The following ANO3 variants were observed in gnomAD, a reference collection of about 807,000 sequenced individuals.
ANO3 encodes the protein anoctamin-3.
Under a neutral mutation model 144.8 loss-of-function variants are expected in ANO3, and 99 were observed. The observed-to-expected ratio is 0.68, with a 90% CI of 0.58 to 0.81. The LOEUF (loss-of-function observed/expected upper bound fraction) is 0.81. Ranked by LOEUF, ANO3 falls within the 30% of genes least tolerant of loss-of-function variation. The pLI is 0.00. For missense variants in ANO3, 905 were observed against 1,202.2 expected (o/e 0.75, Z 3.66); for synonymous variants, 414 against 392.6 (o/e 1.05, Z -0.64).
intron 1 of ANO3, among the ~76,000 whole-genome samples, chr11:26,223,235 C>T (rs67321699): frequency 0.3 from 45,926 of 151,860 alleles, 7,665 homozygotes; most frequent in Non-Finnish European, 0.37. Context: ...TACCCTGAGT[C>T]GTCATTATTA....
At chr11:26,280,785 A>T (rs1286532773) in intron 1 of ANO3, among the ~76,000 whole-genome samples, 1 of 152,210 alleles carries the variant, frequency 6.6e-6, no homozygotes, top group Non-Finnish European at 1.5e-5. Flanking sequence ...CACCTGTTAA[A>T]GAGTTCCCTG....
chr11:26,356,607 T>C (rs1855792366), intron 1 of ANO3, among the ~76,000 whole-genome samples: 1 of 152,238 alleles, frequency 6.6e-6, no homozygotes, highest in Non-Finnish European at 1.5e-5. Flanking sequence ...TTCTATTATA[T>C]TGTGTATTCA....
intron 25 of ANO3, 23 bp from the exon 26 acceptor site, chr11:26,656,353 C>T (rs756249200): frequency 3.9e-6 from 6 of 1,539,918 alleles, no homozygotes; most frequent in African/African-American, 1.4e-5. Context: ...ATTTGTCATT[C>T]TCTTTGTTTT....
intron 1 of ANO3, among the ~76,000 whole-genome samples, chr11:26,272,803 A>C (rs1853471287): frequency 6.6e-6 from 1 of 152,176 alleles, no homozygotes; most frequent in Admixed American, 6.5e-5. Flanking sequence ...TTAATAAGGA[A>C]GATAAACAAA....
chr11:26,573,178 A>C (rs1023414814), intron 14 of ANO3, among the ~76,000 whole-genome samples: 3 of 152,166 alleles, frequency 2.0e-5, no homozygotes, highest in Non-Finnish European at 4.4e-5. Flanking sequence ...TTTAGCTAAA[A>C]TGCAGGAGCT....
chr11:26,236,686 C>T (rs1003346801), intron 1 of ANO3, among the ~76,000 whole-genome samples: 9 of 151,712 alleles, frequency 5.9e-5, no homozygotes, highest in Non-Finnish European at 1.2e-4. Flanking sequence ...GGCATGGTGG[C>T]GGGCGCCTGT....
rs1224231567 is a variant in ANO3, at chr11:26,656,147, A to C, written c.2599A>C (p.Asn867His). The C allele has an allele frequency of 6.2e-7, 1 of 1,613,610 alleles. No homozygotes were observed. Among genetic ancestry groups the C allele is most frequent in the Admixed American group, 1.7e-5 (1 of 60,000 alleles). Residue 867 changes from asparagine to histidine, a missense_variant, in exon 25 of 27, where the codon AAT becomes CAT. Transcript: ENST00000256737. ...SENCLKGYVN[N>H]SLSFFDLSEL... Reference sequence around the variant, plus strand: ...CAGTTGCTTGAAGGGATATGTCAACAATAGCCTATCCTTCTTTGACCTGAG... The same window carrying C: ...CAGTTGCTTGAAGGGATATGTCAACCATAGCCTATCCTTCTTTGACCTGAG...
At chr11:26,476,889 T>TTGTGTGTGTGTGTATGTGTGTG (rs1859996052) in intron 4 of ANO3, among the ~76,000 whole-genome samples, 4 of 136,304 alleles carry the variant, frequency 2.9e-5, no homozygotes, top group Admixed American at 7.8e-5. Flanking sequence ...TGTTATAATT[T>TTGTGTGTGTGTGTATGTGTGTG]TGTGTGTGTG....
At chr11:26,438,961 C>T (rs539088963) in intron 1 of ANO3, among the ~76,000 whole-genome samples, 3 of 152,196 alleles carry the variant, frequency 2.0e-5, no homozygotes, top group Admixed American at 1.3e-4. Flanking sequence ...ATGCTAAAGA[C>T]GTTGTGGTTT....
intron 6 of ANO3, 68 bp downstream of exon 6, chr11:26,516,995 A>G: frequency 1.1e-6 from 1 of 892,238 alleles, no homozygotes; most frequent in Non-Finnish European, 1.7e-6. Flanking sequence ...GCATCACCTT[A>G]GAGCAACAAA....
At chr11:26,646,129 C>T (rs1399753462) in intron 23 of ANO3, among the ~76,000 whole-genome samples, 2 of 152,064 alleles carry the variant, frequency 1.3e-5, no homozygotes, top group Non-Finnish European at 2.9e-5. Context: ...TTTTCTTGCT[C>T]ATAGAAATAT....
intron 1 of ANO3, among the ~76,000 whole-genome samples, chr11:26,213,330 G>A (rs1280174865): frequency 1.3e-5 from 2 of 152,064 alleles, no homozygotes; most frequent in African/African-American, 4.8e-5. Flanking sequence ...AGGAAGAGAG[G>A]AAGTAAAATT....
chr11:26,402,563 T>C (rs1009452367), intron 1 of ANO3, among the ~76,000 whole-genome samples: 19 of 151,946 alleles, frequency 1.3e-4, no homozygotes, highest in African/African-American at 4.3e-4. Context: ...AAAAATTTTC[T>C]CCCATTCTGT....
At chr11:26,515,253 A>T (rs1461496246) in intron 5 of ANO3, among the ~76,000 whole-genome samples, 2 of 152,032 alleles carry the variant, frequency 1.3e-5, no homozygotes, top group Non-Finnish European at 2.9e-5. Flanking sequence ...GTTGATTTGC[A>T]AAATACTAGT....
intron 17 of ANO3, among the ~76,000 whole-genome samples, chr11:26,614,725 A>G (rs1449812590): frequency 1.3e-5 from 2 of 152,124 alleles, no homozygotes; most frequent in Non-Finnish European, 2.9e-5. Context: ...TGTTTTCTCC[A>G]TAGGAAGAAG....
chr11:26,276,239 G>C (rs1431304152), intron 1 of ANO3, among the ~76,000 whole-genome samples: 1 of 152,016 alleles, frequency 6.6e-6, no homozygotes, highest in Non-Finnish European at 1.5e-5. Flanking sequence ...CATATGAGAA[G>C]AGTCACCTAA....
intron 1 of ANO3, among the ~76,000 whole-genome samples, chr11:26,298,669 C>A (rs1854148335): frequency 6.6e-6 from 1 of 152,252 alleles, no homozygotes; most frequent in South Asian, 2.1e-4. Context: ...GTTTCCAAAC[C>A]TAAATCTACT....
chr11:26,337,123 C>T (rs1289125190), intron 1 of ANO3, among the ~76,000 whole-genome samples: 1 of 151,908 alleles, frequency 6.6e-6, no homozygotes, highest in African/African-American at 2.4e-5. Flanking sequence ...TAAGAGTGAG[C>T]CAAACTATAA....
chr11:26,566,941 A>G, intron 14 of ANO3: 1 of 998,448 alleles, frequency 1.0e-6, no homozygotes, highest in East Asian at 3.1e-5. Context: ...GATCTAGCCT[A>G]AAGTAAACAC....
Sources: gnomAD v4.1 joint callset for allele counts (sites outside exome capture counted in the v4.1 genomes callset) on GRCh38, gnomAD v4.1.1 for gene constraint, MANE v1.5 for transcripts, NCBI Gene and HGNC (gene_info 2026-07-23, HGNC 2026-07-21) for gene names.